The following DIP2C variants were observed in gnomAD, a reference collection of about 807,000 sequenced individuals.
DIP2C encodes the protein disco-interacting protein 2 homolog C.
A neutral mutation model predicts 192.4 loss-of-function variants in DIP2C; 33 were observed. The observed-to-expected ratio is 0.17, with a 90% CI of 0.13 to 0.23. The LOEUF (loss-of-function observed/expected upper bound fraction) is 0.23. Ranked by LOEUF, DIP2C falls within the 10% of genes least tolerant of loss-of-function variation. DIP2C has a pLI of 1.00. For missense variants in DIP2C, 1,537 were observed against 2,110.1 expected (o/e 0.73, Z 5.32); for synonymous variants, 979 against 864.1 (o/e 1.13, Z -2.33).
At position 319,591 on chromosome 10, in the gene DIP2C, G is replaced by A. The variant is rs372852402; in HGVS notation, c.3924+7415C>T. Among the ~76,000 whole-genome samples the A allele has an allele frequency of 5.3e-5, 8 of 152,262 alleles. No individual in the cohort carries two copies. In the South Asian group the frequency reaches 1.0e-3, roughly 20 times the overall value. On this transcript the variant is annotated intron_variant, in intron 31 of 36. Transcript: ENST00000280886. ...ATTTTTGAAGAGTAATTGTGGCTGT[G>A]AGAAATATATTTCCAAATAATAAGT... is the stretch of plus-strand genomic sequence containing the variant.
chr10:650,796 C>A, intron 1 of DIP2C: 1 of 681,452 alleles, frequency 1.5e-6, no homozygotes, highest in Non-Finnish European at 2.7e-6. Flanking sequence ...AGAATCCTGG[C>A]TGATCCACCA....
At chr10:384,979 A>G (rs1427792756) in intron 14 of DIP2C, among the ~76,000 whole-genome samples, 1 of 149,806 alleles carries the variant, frequency 6.7e-6, no homozygotes, top group East Asian at 2.0e-4. Context: ...AGCACCACAG[A>G]CACCAGGCTG....
intron 1 of DIP2C, among the ~76,000 whole-genome samples, chr10:593,238 T>C (rs1564242896): frequency 6.6e-6 from 1 of 152,118 alleles, no homozygotes; most frequent in African/African-American, 2.4e-5. Context: ...GGTGGTCTCA[T>C]CGTCATCTGG....
chr10:634,651 T>C (rs1854730963), intron 1 of DIP2C, among the ~76,000 whole-genome samples: 2 of 151,834 alleles, frequency 1.3e-5, no homozygotes, highest in South Asian at 4.2e-4. Context: ...ACTGGGGGGC[T>C]GAGGCAGGAG....
chr10:507,446 T>C (rs1345991660), intron 1 of DIP2C, among the ~76,000 whole-genome samples: 2 of 151,284 alleles, frequency 1.3e-5, no homozygotes, highest in Admixed American at 6.6e-5. Flanking sequence ...TCACCCGCTA[T>C]GCACAGAGGC....
intron 1 of DIP2C, among the ~76,000 whole-genome samples, chr10:570,064 G>C (rs912236105): frequency 1.3e-5 from 2 of 152,124 alleles, no homozygotes; most frequent in African/African-American, 4.8e-5. Flanking sequence ...AGTATGCCAA[G>C]AGCCACTCAA....
chr10:468,842 T>C (rs576273973), intron 3 of DIP2C, among the ~76,000 whole-genome samples: 2 of 152,214 alleles, frequency 1.3e-5, no homozygotes, highest in Non-Finnish European at 2.9e-5. Flanking sequence ...GGAGTAATAG[T>C]GCTTTCCATT....
At chr10:557,667 C>G (rs1588457306) in intron 1 of DIP2C, among the ~76,000 whole-genome samples, 1 of 63,234 alleles carries the variant, frequency 1.6e-5, no homozygotes, top group African/African-American at 7.7e-5. Flanking sequence ...GGCACATACA[C>G]ATGTGGGGGT....
chr10:600,025 C>T (rs1237420599), intron 1 of DIP2C, among the ~76,000 whole-genome samples: 2 of 152,124 alleles, frequency 1.3e-5, no homozygotes, highest in Admixed American at 6.5e-5. Flanking sequence ...GGGCATCCAG[C>T]GGCAAGGAGG....
At chr10:470,717 G>A (rs187079986) in intron 3 of DIP2C, among the ~76,000 whole-genome samples, 3 of 152,084 alleles carry the variant, frequency 2.0e-5, no homozygotes, top group African/African-American at 4.8e-5. Context: ...GGCGACTGAC[G>A]CGGATCTCCT....
intron 3 of DIP2C, among the ~76,000 whole-genome samples, chr10:452,671 C>T (rs1482778504): frequency 6.6e-6 from 1 of 152,238 alleles, no homozygotes; most frequent in Non-Finnish European, 1.5e-5. Context: ...CCCCTGGTTC[C>T]TCTCGCTGCT....
Position 478,569 on chromosome 10 carries a change from T to C in DIP2C, c.158-6020A>G, listed in dbSNP as rs184414508. Among the ~76,000 whole-genome samples the C allele has an allele frequency of 2.8e-3, 420 of 151,620 alleles. 4 individuals carry two copies. Among genetic ancestry groups the C allele is most frequent in the African/African-American group, 9.4e-3 (387 of 41,278 alleles). On this transcript the variant is annotated intron_variant, in intron 2 of 36. Transcript: ENST00000280886. ...TGTAGACACATCCAAATTCCTGTCTTATTCCCACTCATCCCGTGTCCGGGC... is the reference window on the plus strand; with the variant it reads ...TGTAGACACATCCAAATTCCTGTCTCATTCCCACTCATCCCGTGTCCGGGC...
chr10:447,895 T>TG (rs2133308552), intron 3 of DIP2C, among the ~76,000 whole-genome samples: 1 of 117,524 alleles, frequency 8.5e-6, no homozygotes, highest in South Asian at 2.7e-4. Flanking sequence ...TCACACACAG[T>TG]GGGGCAGCAG....
chr10:596,824 A>C (rs1851737518), intron 1 of DIP2C, among the ~76,000 whole-genome samples: 1 of 152,216 alleles, frequency 6.6e-6, no homozygotes, highest in African/African-American at 2.4e-5. Context: ...GCCTGTCATC[A>C]CCACCACTGC....
At chr10:584,745 CAG>C (rs1491040749) in intron 1 of DIP2C, among the ~76,000 whole-genome samples, 1 of 113,134 alleles carries the variant, frequency 8.8e-6, no homozygotes, top group Non-Finnish European at 1.8e-5. Flanking sequence ...CATCACCTCT[CAG>C]ATAATCTCGG....
intron 34 of DIP2C, among the ~76,000 whole-genome samples, chr10:285,744 G>A (rs942320046): frequency 2.6e-5 from 4 of 152,258 alleles, no homozygotes; most frequent in Middle Eastern, 3.2e-3. Flanking sequence ...CCAGTGCGGA[G>A]GGGCACAGTG....
At chr10:436,116 C>T (rs767850563) in intron 4 of DIP2C, among the ~76,000 whole-genome samples, 19 of 152,104 alleles carry the variant, frequency 1.2e-4, no homozygotes, top group Non-Finnish European at 2.6e-4. Context: ...CAGTTCAGAC[C>T]GGGCGCACTT....
At chr10:336,895 G>GGTGTGTGTGTGTGTGT (rs112539860) in intron 29 of DIP2C, among the ~76,000 whole-genome samples, 2 of 91,724 alleles carry the variant, frequency 2.2e-5, no homozygotes, top group African/African-American at 6.7e-5. Flanking sequence ...GGCCTAGGCA[G>GGTGTGTGTGTGTGTGT]GTGTGTGTGT....
intron 1 of DIP2C, among the ~76,000 whole-genome samples, chr10:609,019 A>C (rs1852877594): frequency 6.6e-6 from 1 of 152,096 alleles, no homozygotes; most frequent in African/African-American, 2.4e-5. Context: ...CCCTATAAGC[A>C]TGATTTTGTC....
Sources: allele counts gnomAD v4.1 joint callset (sites outside exome capture counted in the v4.1 genomes callset), GRCh38; gene constraint gnomAD v4.1.1; transcripts MANE v1.5; gene names NCBI Gene and HGNC (gene_info 2026-07-23, HGNC 2026-07-21).